RBFOX1: variants seen among roughly 807,000 people sequenced by gnomAD.
RBFOX1 encodes RNA binding protein fox-1 homolog 1.
In RBFOX1, 8 loss-of-function variants were observed where a neutral mutation model predicts 57.7. The ratio of observed to expected loss-of-function variants is 0.14; its 90% CI spans 0.08 to 0.25. The LOEUF is 0.25. Ranked by LOEUF, RBFOX1 falls within the 10% of genes least tolerant of loss-of-function variation. The pLI is 1.00. For synonymous variants in RBFOX1, 326 were observed against 222.4 expected (o/e 1.47, Z -4.15); for missense variants, 611 against 548.5 (o/e 1.11, Z -1.14).
intron 3 of RBFOX1, among the ~76,000 whole-genome samples, chr16:5,786,325 G>A (rs1174530741): frequency 2.0e-5 from 3 of 152,122 alleles, no homozygotes; most frequent in Non-Finnish European, 4.4e-5. Context: ...CCCAAGTCCA[G>A]GATGGGGGCC....
intron 10 of RBFOX1, among the ~76,000 whole-genome samples, chr16:7,621,751 G>C (rs1297650577): frequency 6.6e-6 from 1 of 152,186 alleles, no homozygotes; most frequent in East Asian, 1.9e-4. Flanking sequence ...GGTGTACTGA[G>C]AGACAGTTAC....
intron 2 of RBFOX1, among the ~76,000 whole-genome samples, chr16:6,499,314 C>G (rs1261205046): frequency 6.6e-6 from 1 of 151,980 alleles, no homozygotes; most frequent in African/African-American, 2.4e-5. Context: ...ACTAATCGAG[C>G]CATTATGCCT....
chr16:7,109,290 G>C (rs747328856), intron 4 of RBFOX1, among the ~76,000 whole-genome samples: 6 of 152,128 alleles, frequency 3.9e-5, no homozygotes, highest in Non-Finnish European at 8.8e-5. Context: ...TTGCTATTCT[G>C]TCCCCCTTCT....
intron 3 of RBFOX1, among the ~76,000 whole-genome samples, chr16:5,726,720 T>C (rs1023237872): frequency 3.3e-4 from 50 of 152,368 alleles, no homozygotes; most frequent in Middle Eastern, 3.4e-3. Flanking sequence ...TTATGAACAA[T>C]AATGTAATCA....
intron 4 of RBFOX1, among the ~76,000 whole-genome samples, chr16:7,294,403 T>G (rs551234584): frequency 8.5e-5 from 13 of 152,152 alleles, no homozygotes; most frequent in African/African-American, 2.9e-4. Flanking sequence ...CCTTTTAATT[T>G]GGGGTTCTAC....
chr16:5,847,737 C>G (rs1451812828), intron 3 of RBFOX1, among the ~76,000 whole-genome samples: 1 of 152,140 alleles, frequency 6.6e-6, no homozygotes, highest in Admixed American at 6.5e-5. Flanking sequence ...TGGTGTTCCA[C>G]AGCCTCACTC....
At chr16:6,056,375 G>A (rs1170568265) in intron 1 of RBFOX1, among the ~76,000 whole-genome samples, 1 of 152,188 alleles carries the variant, frequency 6.6e-6, no homozygotes, top group African/African-American at 2.4e-5. Flanking sequence ...TGTAATACCT[G>A]TTTTCCTTTC....
intron 2 of RBFOX1, among the ~76,000 whole-genome samples, chr16:6,522,027 T>C (rs2096509961): frequency 6.6e-6 from 1 of 152,180 alleles, no homozygotes; most frequent in South Asian, 2.1e-4. Context: ...ATTTGTTTTC[T>C]AATGAAAGTG....
intron 1 of RBFOX1, among the ~76,000 whole-genome samples, chr16:6,294,216 C>G (rs2077811919): frequency 6.6e-6 from 1 of 152,010 alleles, no homozygotes; most frequent in Non-Finnish European, 1.5e-5. Context: ...TGCATGGGGC[C>G]AAACAGGAAA....
At chr16:5,786,656 T>G (rs2054510017) in intron 3 of RBFOX1, among the ~76,000 whole-genome samples, 1 of 152,170 alleles carries the variant, frequency 6.6e-6, no homozygotes, top group African/African-American at 2.4e-5. Flanking sequence ...CCCACTGCCC[T>G]CATCCCAAAC....
intron 4 of RBFOX1, among the ~76,000 whole-genome samples, chr16:7,120,749 T>C (rs67466997): frequency 0.17 from 24,073 of 145,860 alleles, 2,214 homozygotes; most frequent in African/African-American, 0.24. Context: ...GTGGAAGATA[T>C]ACTTCTCAAC....
chr16:5,371,991 C>T (rs1228988401), intron 1 of RBFOX1, among the ~76,000 whole-genome samples: 1 of 152,186 alleles, frequency 6.6e-6, no homozygotes, highest in Non-Finnish European at 1.5e-5. Context: ...GCAAAGAGAG[C>T]TGTCCTCATA....
At chr16:6,935,969 C>G (rs543140903) in intron 3 of RBFOX1, among the ~76,000 whole-genome samples, 2 of 152,312 alleles carry the variant, frequency 1.3e-5, no homozygotes, top group South Asian at 2.1e-4. Flanking sequence ...TTTGCTTACA[C>G]TCAGGCAGTG....
chr16:7,273,486 G>A (rs944086493), intron 4 of RBFOX1, among the ~76,000 whole-genome samples: 5 of 152,078 alleles, frequency 3.3e-5, no homozygotes, highest in African/African-American at 1.2e-4. Flanking sequence ...GGAATTTGAT[G>A]ATGACTTAAG....
chr16:7,295,667 G>C (rs556155406), intron 4 of RBFOX1, among the ~76,000 whole-genome samples: 2 of 152,132 alleles, frequency 1.3e-5, no homozygotes, highest in East Asian at 3.9e-4. Context: ...GCTCACTACA[G>C]GTGTACTCAG....
chr16:5,910,568 G>C (rs1426470510), intron 4 of RBFOX1, among the ~76,000 whole-genome samples: 3 of 152,298 alleles, frequency 2.0e-5, no homozygotes, highest in Non-Finnish European at 2.9e-5. Flanking sequence ...AGTGGAGGAA[G>C]GTGTGAGGGT....
chr16:5,394,241 C>G (rs2066488107), intron 1 of RBFOX1, among the ~76,000 whole-genome samples: 1 of 152,244 alleles, frequency 6.6e-6, no homozygotes, highest in East Asian at 1.9e-4. Flanking sequence ...CCAGGCTGAT[C>G]TCAAACTCCT....
chr16:7,552,616 A>G (rs762041121), intron 5 of RBFOX1, among the ~76,000 whole-genome samples: 1 of 152,180 alleles, frequency 6.6e-6, no homozygotes, highest in Non-Finnish European at 1.5e-5. Flanking sequence ...TCATGACCCT[A>G]TAAGATTTAT....
At chr16:6,389,098 A>C (rs1276814436) in intron 2 of RBFOX1, among the ~76,000 whole-genome samples, 1 of 152,162 alleles carries the variant, frequency 6.6e-6, no homozygotes, top group Non-Finnish European at 1.5e-5. Context: ...TGCCAGCTGC[A>C]ACCAGCAAAG....
Sources: gnomAD v4.1 joint callset for allele counts (sites outside exome capture counted in the v4.1 genomes callset) on GRCh38, gnomAD v4.1.1 for gene constraint, MANE v1.5 for transcripts, NCBI Gene and HGNC (gene_info 2026-07-23, HGNC 2026-07-21) for gene names.